The following VPS13D variants were observed in gnomAD, a reference collection of about 807,000 sequenced individuals.
VPS13D encodes the protein vacuolar protein sorting 13 homolog D.
Under a neutral mutation model 461.9 loss-of-function variants are expected in VPS13D, and 187 were observed. The ratio of observed to expected loss-of-function variants is 0.40; its 90% confidence interval spans 0.36 to 0.46. The LOEUF (loss-of-function observed/expected upper bound fraction) is 0.46, where lower values mean the gene tolerates loss of function less well. VPS13D is among the 20% of genes least tolerant of loss of function. The pLI is 0.60. For synonymous variants in VPS13D, 1,951 were observed against 1,986.3 expected (o/e 0.98, Z 0.47); for missense variants, 4,711 against 5,364.9 (o/e 0.88, Z 3.81).
rs147084013 is a variant in VPS13D, at chr1:12,299,823, A to G, written c.6216+439A>G. Among the ~76,000 whole-genome samples, 200 of 151,864 alleles carry G rather than the reference A, an allele frequency of 1.3e-3. 1 individual carries two copies. Among genetic ancestry groups the G allele is most frequent in the African/African-American group, 4.6e-3 (191 of 41,416 alleles). On this transcript the variant is annotated intron_variant, in intron 25 of 69. Transcript: ENST00000620676. The surrounding 1 kb of genome is among the most constrained non-coding windows in gnomAD (Gnocchi z 4.2). ...AGAGGACGTGATTGGCCCGTGGTTT[A>G]CTTGAAGCCATTTAAAAATGTCTTA...
At chr1:12,399,790 A>C (rs1257932409) in intron 60 of VPS13D, among the ~76,000 whole-genome samples, 1 of 152,146 alleles carries the variant, frequency 6.6e-6, no homozygotes, top group Admixed American at 6.5e-5. Flanking sequence ...CTGCACTTCA[A>C]CCTGGGCAAC....
chr1:12,345,609 C>A, intron 43 of VPS13D, 100 bp downstream of exon 43: 1 of 1,477,738 alleles, frequency 6.8e-7, no homozygotes. Context: ...CTTGTTCTTT[C>A]TTTCCCCTAA....
At position 12,293,627 on chromosome 1, in the gene VPS13D, G is replaced by A; in HGVS notation, c.5956G>A (p.Val1986Met). ...GCATACTCAGCGTTTCCAGGCAGAG[G>A]TGGTGGCCTTCATTCAGCATTTCAC... ...YVHTQRFQAE[V>M]VAFIQHFTQL... Residue 1986 changes from valine (V) to methionine (M), a missense_variant, in exon 24 of 70, where the codon GTG (valine) becomes ATG (methionine). Transcript: ENST00000620676. 2 of 1,614,196 alleles carry A rather than the reference G, an allele frequency of 1.2e-6. No individual in the cohort carries two copies. Among genetic ancestry groups the A allele is most frequent in the African/African-American group, 1.3e-5 (1 of 75,046 alleles).
At chr1:12,464,965 C>T (rs1645462655) in intron 67 of VPS13D, 1 of 152,212 alleles carries the variant, frequency 6.6e-6, no homozygotes, top group African/African-American at 2.4e-5. Context: ...CTTGAGGTGC[C>T]ACTGAAGCTA....
chr1:12,341,752 G>A (rs753264416), intron 40 of VPS13D, 28 bp from the exon 41 acceptor site: 6 of 1,608,382 alleles, frequency 3.7e-6, no homozygotes, highest in African/African-American at 1.3e-5. Flanking sequence ...AGGGGCGTCT[G>A]CTCATAGCCT....
At chr1:12,383,265 T>C (rs1644306585) in intron 58 of VPS13D, 110 bp downstream of exon 58, 25 of 1,121,634 alleles carry the variant, frequency 2.2e-5, no homozygotes, top group African/African-American at 3.2e-5. Flanking sequence ...TATGAAGATA[T>C]GGTATCTTCA....
chr1:12,253,621 A>G (rs1640813508), intron 6 of VPS13D, 101 bp from the exon 7 acceptor site: 1 of 937,350 alleles, frequency 1.1e-6, no homozygotes, highest in African/African-American at 1.6e-5. Flanking sequence ...GCACCTTGCA[A>G]AGTACCTGAC....
Position 12,308,522 on chromosome 1 carries a change from G to A in VPS13D, c.6531G>A (p.Lys2177=), listed in dbSNP as rs368008383. ...AGAGACATCCGAGAGAATACTCGAA[G>A]GCACCAGAGGATAGTAGTGGAGATC... is the stretch of plus-strand genomic sequence containing the variant. ...AAERHPREYS[K]APEDSSGDLI... The change falls in exon 27 of 70, where the codon AAG becomes AAA. Residue 2177 remains lysine, a synonymous_variant. Transcript: ENST00000620676. 3.1e-6 allele frequency: 5 copies of A among 1,614,124 alleles called. No homozygotes were observed. The African/African-American group carries it at 4.0e-5, about 13-fold the overall frequency.
chr1:12,463,507 T>C (rs923039607), intron 67 of VPS13D, among the ~76,000 whole-genome samples: 3 of 152,088 alleles, frequency 2.0e-5, no homozygotes, highest in African/African-American at 7.2e-5. Context: ...ATCCAGCATT[T>C]TGGGAGGCCA....
At chr1:12,494,007 G>A (rs145438820) in intron 67 of VPS13D, among the ~76,000 whole-genome samples, 72 of 152,222 alleles carry the variant, frequency 4.7e-4, no homozygotes, top group South Asian at 3.5e-3. Context: ...ATGCCTTCTG[G>A]AAGTCCTTGT....
At chr1:12,335,135 C>T (rs1180644233) in intron 38 of VPS13D, among the ~76,000 whole-genome samples, 5 of 152,152 alleles carry the variant, frequency 3.3e-5, no homozygotes, top group East Asian at 1.9e-4. Flanking sequence ...GGCATGATCT[C>T]GGCTCACTGC....
rs866552940 is a variant in VPS13D, at chr1:12,327,717, C to G, written c.8060C>G (p.Ser2687Cys). The G allele has an allele frequency of 6.2e-7, 1 of 1,614,024 alleles. No individual in the cohort carries two copies. The highest frequency in any genetic ancestry group is 1.3e-5 in the African/African-American group (1 of 74,898). The change falls in exon 36 of 70, where the codon TCC (serine) becomes TGC (cysteine). Residue 2687 changes from serine to cysteine, a missense_variant. Physicochemically the swap from Ser to Cys is moderately radical, Grantham distance 112. Transcript: ENST00000620676. Reference sequence around the variant, plus strand: ...CCTCTGAAGTCTCTTTCCTTGGCCTCCACCAGCCGAGATAGCCCAGGGGCT... The same window carrying G: ...CCTCTGAAGTCTCTTTCCTTGGCCTGCACCAGCCGAGATAGCCCAGGGGCT... ...AEPLKSLSLASTSRDSPGAVA... is the reference protein window; with the variant it reads ...AEPLKSLSLACTSRDSPGAVA...
chr1:12,298,155 T>G (rs546928062), intron 24 of VPS13D, among the ~76,000 whole-genome samples: 4 of 152,216 alleles, frequency 2.6e-5, no homozygotes, highest in Non-Finnish European at 5.9e-5. Flanking sequence ...GAGGTAGGGC[T>G]TATGGCTTAT....
intron 65 of VPS13D, among the ~76,000 whole-genome samples, chr1:12,440,743 G>A (rs1438476890): frequency 1.3e-5 from 2 of 152,074 alleles, no homozygotes; most frequent in Non-Finnish European, 2.9e-5. Context: ...GGACGTGGTG[G>A]TGGACACCTG....
In VPS13D at chr1:12,506,935, G is replaced by A. The variant is rs201346282; in HGVS notation, c.12877G>A (p.Val4293Met). 218 of 1,614,154 alleles carry A rather than the reference G, an allele frequency of 1.4e-4. No homozygotes were observed. The highest frequency in any genetic ancestry group is 1.6e-4 in the Non-Finnish European group (192 of 1,180,060). ...TTACTTCCTGAAAAGTGGAGACTAC[G>A]TGGATCGAGAAGCCATTTTCCTAGA... ...AVYFLKSGDY[V>M]DREAIFLEVK... Residue 4293 changes from valine (V) to methionine (M), a missense_variant, in exon 69 of 70, where the codon GTG becomes ATG. By Grantham distance (21) the Val-to-Met change is conservative. This residue lies in a region of VPS13D where 194 missense variants were observed against 220.9 expected (regional missense o/e 0.88). Transcript: ENST00000620676.
chr1:12,360,400 C>CAAAAAGAACGATTTTGTGCCTGTTG (rs1399837953), intron 50 of VPS13D, among the ~76,000 whole-genome samples: 2 of 152,096 alleles, frequency 1.3e-5, no homozygotes, highest in African/African-American at 4.8e-5. Context: ...CATGGATCTC[C>CAAAAAGAACGATTTTGTGCCTGTTG]AAAAAGAACG....
At chr1:12,370,303 C>T (rs769822578) in intron 54 of VPS13D, among the ~76,000 whole-genome samples, 8 of 152,154 alleles carry the variant, frequency 5.3e-5, no homozygotes, top group Non-Finnish European at 1.2e-4. Context: ...AGTCATTCTA[C>T]CAACATATAA....
At chr1:12,464,350 T>C (rs1346121609) in intron 67 of VPS13D, among the ~76,000 whole-genome samples, 1 of 152,168 alleles carries the variant, frequency 6.6e-6, no homozygotes, top group Non-Finnish European at 1.5e-5. Flanking sequence ...GAGCCTGCAA[T>C]TGGAATGAGA....
intron 65 of VPS13D, among the ~76,000 whole-genome samples, chr1:12,435,186 T>C (rs763519778): frequency 2.0e-5 from 3 of 151,988 alleles, no homozygotes; most frequent in Non-Finnish European, 4.4e-5. Flanking sequence ...AGTAACTGAA[T>C]GGATAGCTTT....
Sources: allele counts gnomAD v4.1 joint callset (sites outside exome capture counted in the v4.1 genomes callset), GRCh38; gene constraint gnomAD v4.1.1; regional missense constraint gnomAD v4.1.1; non-coding constraint Gnocchi (gnomAD v3.1); transcripts MANE v1.5; gene names NCBI Gene and HGNC (gene_info 2026-07-23, HGNC 2026-07-21).